Variants in MAPK9 observed in about 807,000 individuals in gnomAD.
The protein encoded by MAPK9 is mitogen-activated protein kinase 9.
Under a neutral mutation model 57.1 loss-of-function variants are expected in MAPK9, and 30 were observed. That is an observed-to-expected ratio of 0.53 (90% CI 0.39 to 0.71). The LOEUF is 0.71. MAPK9 is among the 30% of genes least tolerant of loss of function. The pLI, the probability that MAPK9 is intolerant of heterozygous loss-of-function variation, is 0.00. For synonymous variants in MAPK9, 155 were observed against 177.0 expected, an observed-to-expected ratio of 0.88 and a Z score of 0.99; for missense variants, 362 against 521.0, an observed-to-expected ratio of 0.69 and a Z score of 2.97.
intron 2 of MAPK9, among the ~76,000 whole-genome samples, chr5:180,272,094 C>T (rs1044687965): frequency 7.9e-5 from 12 of 152,180 alleles, no homozygotes; most frequent in African/African-American, 2.9e-4. Flanking sequence ...GCATCTCCTC[C>T]ACATGATTTG....
chr5:180,262,297 TACA>T (rs777315645), intron 4 of MAPK9, among the ~76,000 whole-genome samples: 21 of 152,144 alleles, frequency 1.4e-4, no homozygotes, highest in Non-Finnish European at 2.5e-4. Context: ...AAAGTGATTA[TACA>T]ACAACAACAA....
Position 180,243,345 on chromosome 5 carries a change from G to A in MAPK9, c.689-590C>T, listed in dbSNP as rs529398044. Among the ~76,000 whole-genome samples the A allele has an allele frequency of 2.0e-4, 31 of 152,310 alleles. 1 individual carries two copies. The highest frequency in any genetic ancestry group is 1.0e-3 in the Admixed American group (16 of 15,300). ...TGCATTTTATTTCCTTTCAAAGTGC[G>A]TGACCTGGGTTTCAGACTCAACTCT... On this transcript the variant is annotated intron_variant, in intron 7 of 11. Transcript: ENST00000452135.
intron 7 of MAPK9, among the ~76,000 whole-genome samples, chr5:180,243,530 C>T (rs953753014): frequency 1.3e-5 from 2 of 152,174 alleles, no homozygotes; most frequent in Non-Finnish European, 2.9e-5. Context: ...AAACTGTACT[C>T]GCTATACAAG....
At chr5:180,245,307 G>T (rs2127579381) in intron 7 of MAPK9, among the ~76,000 whole-genome samples, 1 of 152,246 alleles carries the variant, frequency 6.6e-6, no homozygotes, top group South Asian at 2.1e-4. Context: ...CCTGCTGGGG[G>T]CCTCCACCTC....
At chr5:180,246,289 G>A (rs1376446544) in intron 7 of MAPK9, 2 of 151,962 alleles carry the variant, frequency 1.3e-5, no homozygotes, top group African/African-American at 2.4e-5. Context: ...TCTGAGATGA[G>A]GCTATGGAAA....
intron 4 of MAPK9, among the ~76,000 whole-genome samples, chr5:180,262,420 C>T (rs1484336827): frequency 6.6e-6 from 1 of 152,042 alleles, no homozygotes; most frequent in Non-Finnish European, 1.5e-5. Flanking sequence ...ATTCTTCTCC[C>T]TTCTTTTTAT....
intron 10 of MAPK9, among the ~76,000 whole-genome samples, chr5:180,238,901 G>A (rs897992092): frequency 2.6e-5 from 4 of 152,150 alleles, no homozygotes; most frequent in Non-Finnish European, 4.4e-5. Flanking sequence ...GAGCCACTGC[G>A]CCTGGACTAC....
intron 1 of MAPK9, among the ~76,000 whole-genome samples, chr5:180,288,351 AT>A (rs1216874280): frequency 6.6e-6 from 1 of 152,264 alleles, no homozygotes; most frequent in Non-Finnish European, 1.5e-5. Flanking sequence ...TAAAAGACGT[AT>A]CATCCAATCA....
chr5:180,241,049 G>A lies in MAPK9; in HGVS notation c.978C>T (p.Asp326=), dbSNP rs775988860. The change falls in exon 9 of 12, where the codon GAC becomes GAT. Residue 326 remains aspartate, a synonymous_variant. Transcript: ENST00000452135. ...TACTCACGGCTTCTGCTTCGGCGGG[G>A]TCATACCAAACAGTGATGTATGGGT... ...LRHPYITVWY[D]PAEAEAPPPQ... The A allele has an allele frequency of 1.2e-6, 2 of 1,612,928 alleles. No individual in the cohort carries two copies. The highest frequency in any genetic ancestry group is 1.7e-6 in the Non-Finnish European group (2 of 1,179,550).
chr5:180,258,351 C>A (rs1052130235), intron 5 of MAPK9: 4 of 152,250 alleles, frequency 2.6e-5, no homozygotes, highest in African/African-American at 4.8e-5. Flanking sequence ...TTTGTAGTTA[C>A]TTTCAAAGAC....
At chr5:180,246,623 C>T (rs919639412) in intron 7 of MAPK9, 4 of 151,882 alleles carry the variant, frequency 2.6e-5, no homozygotes, top group Non-Finnish European at 4.4e-5. Flanking sequence ...GGTTAAAACA[C>T]AAATGAAAAA....
intron 5 of MAPK9, among the ~76,000 whole-genome samples, chr5:180,259,309 A>G (rs1381277243): frequency 6.6e-6 from 1 of 151,796 alleles, no homozygotes; most frequent in African/African-American, 2.4e-5. Flanking sequence ...GAATGTGGTC[A>G]AGTCTTCAGA....
chr5:180,236,745 T>C (rs970691619), intron 11 of MAPK9: 1 of 417,446 alleles, frequency 2.4e-6, no homozygotes, highest in Non-Finnish European at 4.2e-6. Context: ...CCTTGCAAGA[T>C]TCTTCTTTTT....
intron 10 of MAPK9, among the ~76,000 whole-genome samples, chr5:180,238,608 C>CTTTTTTTTTT (rs746336177): frequency 2.2e-4 from 19 of 85,164 alleles, no homozygotes; most frequent in South Asian, 3.5e-4. Flanking sequence ...TCTTCTTCTT[C>CTTTTTTTTTT]TTTTTTTTTT....
At chr5:180,265,951 A>G (rs1004249068) in intron 3 of MAPK9, among the ~76,000 whole-genome samples, 36 of 152,154 alleles carry the variant, frequency 2.4e-4, no homozygotes, top group African/African-American at 8.7e-4. Context: ...CTAGCGTAGA[A>G]AATCTTTTCT....
chr5:180,281,453 T>A (rs1327205999), intron 1 of MAPK9, among the ~76,000 whole-genome samples: 1 of 152,210 alleles, frequency 6.6e-6, no homozygotes, highest in Non-Finnish European at 1.5e-5. Context: ...TGGCAAGTGG[T>A]TCCTAGGCTC....
chr5:180,241,293 T>A (rs1757631508), intron 8 of MAPK9, 138 bp from the exon 9 acceptor site: 3 of 925,460 alleles, frequency 3.2e-6, no homozygotes, highest in South Asian at 4.5e-5. Context: ...TCAAGATGAA[T>A]ATAACCCAAA....
intron 5 of MAPK9, among the ~76,000 whole-genome samples, chr5:180,251,949 C>G (rs35210360): frequency 2.0e-4 from 31 of 152,308 alleles, no homozygotes; most frequent in Non-Finnish European, 4.3e-4. Flanking sequence ...CTTGCCGGTC[C>G]TTCCCCACAG....
At chr5:180,254,029 C>G (rs531590274) in intron 5 of MAPK9, among the ~76,000 whole-genome samples, 1 of 136,194 alleles carries the variant, frequency 7.3e-6, no homozygotes. Flanking sequence ...TGCAATGGCA[C>G]TATCTCAGCT....
Sources: allele counts gnomAD v4.1 joint callset (sites outside exome capture counted in the v4.1 genomes callset), GRCh38; gene constraint gnomAD v4.1.1; transcripts MANE v1.5; gene names NCBI Gene and HGNC (gene_info 2026-07-23, HGNC 2026-07-21).